FGD4: variants seen among roughly 807,000 people sequenced by gnomAD.
FGD4 encodes FYVE, RhoGEF and PH domain-containing protein 4.
Under a neutral mutation model 102.0 loss-of-function variants are expected in FGD4, and 42 were observed. The ratio of observed to expected loss-of-function variants is 0.41; its 90% CI spans 0.32 to 0.53. FGD4 has a LOEUF of 0.53. Among genes scored for constraint, FGD4 ranks in the 20% least tolerant of loss-of-function variants. The pLI is 0.21. For missense variants in FGD4, 902 were observed against 1,078.2 expected (o/e 0.84, Z 2.29); for synonymous variants, 380 against 375.7 (o/e 1.01, Z -0.13).
chr12:32,524,534 A>AAC (rs74581901), intron 1 of FGD4, among the ~76,000 whole-genome samples: 37,081 of 151,212 alleles, frequency 0.25, 5,287 homozygotes, highest in Middle Eastern at 0.43. Context: ...TAAAAAAAAA[A>AAC]AACAGAAAAA....
intron 10 of FGD4, among the ~76,000 whole-genome samples, chr12:32,616,427 G>A (rs1302971712): frequency 3.9e-5 from 6 of 152,178 alleles, no homozygotes; most frequent in Non-Finnish European, 5.9e-5. Context: ...CACATGGCAG[G>A]AATTTTAGGA....
At chr12:32,408,354 G>C (rs2728689) in intron 1 of FGD4, among the ~76,000 whole-genome samples, 72,640 of 151,592 alleles carry the variant, frequency 0.48, 19,000 homozygotes, top group African/African-American at 0.7. Context: ...TTTTAGTAGA[G>C]ACGGGGTTTC....
At chr12:32,594,111 G>T (rs562043794) in intron 4 of FGD4, among the ~76,000 whole-genome samples, 1 of 152,162 alleles carries the variant, frequency 6.6e-6, no homozygotes, top group African/African-American at 2.4e-5. Flanking sequence ...TCCTCAGCCC[G>T]TAGGCCACGG....
intron 10 of FGD4, among the ~76,000 whole-genome samples, chr12:32,618,522 A>G (rs1949582875): frequency 6.6e-6 from 1 of 152,148 alleles, no homozygotes; most frequent in Non-Finnish European, 1.5e-5. Flanking sequence ...GCTTAACATT[A>G]AACAGTCTGG....
At chr12:32,592,168 C>T (rs926624090) in intron 4 of FGD4, among the ~76,000 whole-genome samples, 13 of 151,574 alleles carry the variant, frequency 8.6e-5, no homozygotes, top group South Asian at 4.2e-4. Flanking sequence ...CTGTAGCCTC[C>T]GCTTCCTGGG....
intron 2 of FGD4, among the ~76,000 whole-genome samples, chr12:32,573,973 A>G (rs2136354189): frequency 6.6e-6 from 1 of 152,318 alleles, no homozygotes; most frequent in South Asian, 2.1e-4. Context: ...TTAAATTCAT[A>G]ATATATTTAC....
At chr12:32,426,153 G>T (rs1237186829) in intron 1 of FGD4, among the ~76,000 whole-genome samples, 1 of 152,126 alleles carries the variant, frequency 6.6e-6, no homozygotes, top group Non-Finnish European at 1.5e-5. Context: ...GTTTTCAAAG[G>T]GAATGCTTCC....
chr12:32,620,405 GGCAACCAGGACT>G (rs945179594), intron 11 of FGD4, among the ~76,000 whole-genome samples: 2 of 152,022 alleles, frequency 1.3e-5, no homozygotes, highest in Non-Finnish European at 2.9e-5. Context: ...GGTGGCCTCT[GGCAACCAGGACT>G]TCTAGAAGGT....
intron 1 of FGD4, chr12:32,486,163 T>C: frequency 5.3e-6 from 8 of 1,522,904 alleles, no homozygotes; most frequent in Non-Finnish European, 7.0e-6. Context: ...GTTTTGCAAT[T>C]GCCATTTCTG....
intron 1 of FGD4, among the ~76,000 whole-genome samples, chr12:32,494,895 A>G (rs1937702027): frequency 6.6e-6 from 1 of 152,156 alleles, no homozygotes; most frequent in Admixed American, 6.5e-5. Flanking sequence ...TAGACCTCCC[A>G]CCCTTTTGAG....
intron 10 of FGD4, among the ~76,000 whole-genome samples, chr12:32,614,735 A>G (rs1949347859): frequency 1.3e-5 from 2 of 152,188 alleles, no homozygotes; most frequent in South Asian, 4.1e-4. Context: ...CATTTTCTTC[A>G]GTTAATAGTG....
chr12:32,628,451 C>T (rs1950301953), intron 14 of FGD4, among the ~76,000 whole-genome samples: 1 of 151,772 alleles, frequency 6.6e-6, no homozygotes, highest in Non-Finnish European at 1.5e-5. Flanking sequence ...GTCCAAAGGT[C>T]CCAGTGGAAG....
rs1196330166 is a variant in FGD4 at position 32,530,951 on chromosome 12, T to TG, written c.167-33186_167-33185insG. 6.2e-5 allele frequency among the ~76,000 whole-genome samples: 8 copies of TG among 128,130 alleles called. No homozygotes were observed. In the South Asian group the frequency reaches 1.1e-3, roughly 18 times the overall value. 84.1% of individuals were successfully genotyped at this position (128,130 alleles called of 152,430 possible). On this transcript the variant is annotated intron_variant, in intron 1 of 16. Transcript: ENST00000534526. ...AGTTTCCTAGCTTTGGTTTTTTTTT[T>TG]TTTTTTTTTTTTTTTTTTTGAGACA... is the stretch of plus-strand genomic sequence containing the variant.
chr12:32,414,426 C>T (rs1443427739), intron 1 of FGD4, among the ~76,000 whole-genome samples: 2 of 152,146 alleles, frequency 1.3e-5, no homozygotes. Flanking sequence ...AAGCATTCAT[C>T]CTTGTGTTAC....
intron 1 of FGD4, among the ~76,000 whole-genome samples, chr12:32,401,494 C>G (rs958693087): frequency 6.6e-6 from 1 of 151,988 alleles, no homozygotes; most frequent in Non-Finnish European, 1.5e-5. Flanking sequence ...CTCCTGATCT[C>G]AAGTGATCCG....
At chr12:32,572,014 A>G (rs1483124784) in intron 2 of FGD4, among the ~76,000 whole-genome samples, 1 of 152,018 alleles carries the variant, frequency 6.6e-6, no homozygotes, top group African/African-American at 2.4e-5. Flanking sequence ...ACAATGAGAT[A>G]TGATTGCACC....
rs1379816280 is a variant in FGD4, at chr12:32,544,344, C to T, written c.167-19793C>T. Reference sequence around the variant, plus strand: ...ACTTGGGAGCCTGAGGCAGGAGAATCACTTGAACCTGGGAGGGAGAGGTTG... The same window carrying T: ...ACTTGGGAGCCTGAGGCAGGAGAATTACTTGAACCTGGGAGGGAGAGGTTG... On this transcript the variant is annotated intron_variant, in intron 1 of 16. Coordinates refer to ENST00000534526, the MANE Select transcript of FGD4 (RefSeq NM_001370298.3). This position sits in a 1 kb window ranked among gnomAD's most constrained non-coding sequence, Gnocchi z 4.1. Among the ~76,000 whole-genome samples, 1 of 152,008 alleles carries T rather than the reference C, an allele frequency of 6.6e-6. No individual in the cohort carries two copies. The highest frequency in any genetic ancestry group is 1.9e-4 in the East Asian group (1 of 5,172).
At chr12:32,604,886 T>G (rs1329040195) in intron 7 of FGD4, among the ~76,000 whole-genome samples, 1 of 151,334 alleles carries the variant, frequency 6.6e-6, no homozygotes, top group African/African-American at 2.4e-5. Flanking sequence ...TTTTAATCAA[T>G]TTCTAAAATG....
chr12:32,634,512 A>G (rs1268155349), intron 15 of FGD4, among the ~76,000 whole-genome samples: 1 of 152,106 alleles, frequency 6.6e-6, no homozygotes, highest in Non-Finnish European at 1.5e-5. Context: ...CCCAAGCCTG[A>G]GAACTATAAC....
Sources: gnomAD v4.1 joint callset for allele counts (sites outside exome capture counted in the v4.1 genomes callset) on GRCh38, gnomAD v4.1.1 for gene constraint, Gnocchi (gnomAD v3.1) non-coding constraint, MANE v1.5 for transcripts, NCBI Gene and HGNC (gene_info 2026-07-23, HGNC 2026-07-21) for gene names.